PPARGC1A: variants seen among roughly 807,000 people sequenced by gnomAD.
PPARGC1A encodes peroxisome proliferator-activated receptor gamma coactivator 1-alpha.
Under a neutral mutation model 88.7 loss-of-function variants are expected in PPARGC1A, and 25 were observed. That is an observed-to-expected ratio of 0.28 (90% CI 0.21 to 0.39). The LOEUF (loss-of-function observed/expected upper bound fraction) is 0.39. Among genes scored for constraint, PPARGC1A ranks in the 10% least tolerant of loss-of-function variants. The pLI is 1.00. For synonymous variants in PPARGC1A, 363 were observed against 355.6 expected, an observed-to-expected ratio of 1.02 and a Z score of -0.24; for missense variants, 880 against 968.7, an observed-to-expected ratio of 0.91 and a Z score of 1.22.
chr4:24,164,006 T>C, the PPARGC1A span, among the ~76,000 whole-genome samples: 3 of 152,344 alleles, frequency 2.0e-5, no homozygotes, highest in Non-Finnish European at 2.9e-5. Context: ...CACAGGTTGG[T>C]TTATTTATAG....
chr4:23,945,747 TC>T, the PPARGC1A span, among the ~76,000 whole-genome samples: 2 of 152,138 alleles, frequency 1.3e-5, no homozygotes, highest in African/African-American at 4.8e-5. Flanking sequence ...CTTTTCATTA[TC>T]CCCAAGTTTG....
At chr4:24,208,368 C>T in the PPARGC1A span, among the ~76,000 whole-genome samples, 10 of 152,074 alleles carry the variant, frequency 6.6e-5, no homozygotes, top group East Asian at 1.5e-3. Flanking sequence ...GAACTGCCTT[C>T]CCTCCATGGT....
chr4:24,471,842 C>T, the PPARGC1A span, among the ~76,000 whole-genome samples: 2 of 152,258 alleles, frequency 1.3e-5, no homozygotes, highest in African/African-American at 4.8e-5. The surrounding 1 kb of genome is among the most constrained non-coding windows in gnomAD (Gnocchi z 5.4). Context: ...CCCCCCACCT[C>T]CGCGGGTCAG....
At chr4:24,288,059 T>C in the PPARGC1A span, among the ~76,000 whole-genome samples, 2 of 152,086 alleles carry the variant, frequency 1.3e-5, no homozygotes, top group Non-Finnish European at 2.9e-5. Context: ...TTTAGAAACC[T>C]AGCAACTCTT....
chr4:23,920,332 C>T, the PPARGC1A span, among the ~76,000 whole-genome samples: 335 of 152,272 alleles, frequency 2.2e-3, 2 homozygotes, highest in Non-Finnish European at 3.5e-3. Flanking sequence ...AAAAGAGCCT[C>T]TGGCTGCTAC....
At chr4:23,829,425 G>A (rs1724599634) in intron 4 of PPARGC1A, 38 bp downstream of exon 4, 1 of 1,602,750 alleles carries the variant, frequency 6.2e-7, no homozygotes, top group Non-Finnish European at 8.5e-7. Context: ...AAAATCCTTT[G>A]GTACATCCCC....
At chr4:24,026,340 C>A in the PPARGC1A span, among the ~76,000 whole-genome samples, 15 of 152,064 alleles carry the variant, frequency 9.9e-5, no homozygotes, top group Admixed American at 3.3e-4. Context: ...TTTGCATACA[C>A]AAAATTCACA....
the PPARGC1A span, among the ~76,000 whole-genome samples, chr4:23,998,022 T>G: frequency 6.6e-6 from 1 of 152,202 alleles, no homozygotes; most frequent in African/African-American, 2.4e-5. Flanking sequence ...ATTGTCTACA[T>G]CAGTACATAT....
chr4:24,408,334 A>T, the PPARGC1A span, among the ~76,000 whole-genome samples: 1 of 151,850 alleles, frequency 6.6e-6, no homozygotes, highest in Non-Finnish European at 1.5e-5. Context: ...CCATGTGTAG[A>T]TTTTCATTTT....
At chr4:24,429,384 AC>A in the PPARGC1A span, among the ~76,000 whole-genome samples, 3 of 151,776 alleles carry the variant, frequency 2.0e-5, no homozygotes, top group East Asian at 5.8e-4. Flanking sequence ...CTCCTGCGTC[AC>A]CCCCTACAAG....
chr4:24,118,999 A>G, the PPARGC1A span, among the ~76,000 whole-genome samples: 1 of 152,190 alleles, frequency 6.6e-6, no homozygotes, highest in African/African-American at 2.4e-5. Context: ...CTAGTGCATC[A>G]GCCAGAATGA....
At chr4:24,461,809 A>G in the PPARGC1A span, among the ~76,000 whole-genome samples, 1 of 152,082 alleles carries the variant, frequency 6.6e-6, no homozygotes, top group African/African-American at 2.4e-5. Context: ...CCCCACTCTC[A>G]TCCCCCATTC....
the PPARGC1A span, among the ~76,000 whole-genome samples, chr4:24,152,512 G>T: frequency 6.6e-6 from 1 of 152,192 alleles, no homozygotes; most frequent in Non-Finnish European, 1.5e-5. Context: ...AGATTGAGTT[G>T]AGCTTTTGAG....
At chr4:23,848,998 G>A (rs1454465483) in intron 2 of PPARGC1A, among the ~76,000 whole-genome samples, 1 of 152,156 alleles carries the variant, frequency 6.6e-6, no homozygotes, top group African/African-American at 2.4e-5. Flanking sequence ...AAAAAATTTA[G>A]CCGGGCGTGG....
chr4:23,802,851 C>T (rs1719063320), intron 10 of PPARGC1A, among the ~76,000 whole-genome samples: 1 of 152,098 alleles, frequency 6.6e-6, no homozygotes, highest in Admixed American at 6.5e-5. Context: ...TCAATCTCTT[C>T]TTGCTCACAT....
intron 2 of PPARGC1A, among the ~76,000 whole-genome samples, chr4:23,842,472 A>G (rs60503830): frequency 7.4e-4 from 113 of 152,270 alleles, no homozygotes; most frequent in African/African-American, 2.3e-3. Context: ...ACTTGGATCC[A>G]TAGACAGAAA....
chr4:24,334,741 T>C, the PPARGC1A span, among the ~76,000 whole-genome samples: 1 of 152,202 alleles, frequency 6.6e-6, no homozygotes, highest in Non-Finnish European at 1.5e-5. Context: ...TTCAAACACA[T>C]TGAACATTTC....
chr4:24,443,716 C>A, the PPARGC1A span, among the ~76,000 whole-genome samples: 1 of 143,856 alleles, frequency 7.0e-6, no homozygotes, highest in Admixed American at 7.1e-5. Context: ...CCACCATGCC[C>A]GGCTAATTTT....
rs1010706029 is a variant in PPARGC1A, at chr4:23,868,384, T to A, written c.234+16368A>T. On this transcript the variant is annotated intron_variant, in intron 2 of 12. Transcript: ENST00000264867. ...AGAACATGTTCTCAGATCTTGGATA[T>A]GTCTTATTTTTAGCATGATTGGTCT... 2.0e-5 allele frequency among the ~76,000 whole-genome samples: 3 copies of A among 152,192 alleles called. No homozygotes were observed. In the East Asian group the frequency reaches 5.8e-4, roughly 29 times the overall value.
Sources: gnomAD v4.1 joint callset for allele counts (sites outside exome capture counted in the v4.1 genomes callset) on GRCh38, gnomAD v4.1.1 for gene constraint, Gnocchi (gnomAD v3.1) non-coding constraint, MANE v1.5 for transcripts, NCBI Gene and HGNC (gene_info 2026-07-23, HGNC 2026-07-21) for gene names.